Variants in CSMD1 observed in about 807,000 individuals in gnomAD.
CSMD1 encodes the protein CUB and sushi domain-containing protein 1.
In CSMD1, 213 loss-of-function variants were observed where a neutral mutation model predicts 417.5. The ratio of observed to expected loss-of-function variants is 0.51; its 90% confidence interval spans 0.46 to 0.57. The LOEUF (loss-of-function observed/expected upper bound fraction) is 0.57, where lower values mean the gene tolerates loss of function less well. Ranked by LOEUF, CSMD1 falls within the 20% of genes least tolerant of loss-of-function variation. The pLI, the probability that CSMD1 is intolerant of heterozygous loss-of-function variation, is 0.00. For synonymous variants in CSMD1, 2,862 were observed against 1,736.8 expected (o/e 1.65, Z -16.11); for missense variants, 6,923 against 4,529.7 (o/e 1.53, Z -15.17).
At chr8:3,818,348 TA>T (rs1801514991) in intron 5 of CSMD1, among the ~76,000 whole-genome samples, 1 of 152,154 alleles carries the variant, frequency 6.6e-6, no homozygotes, top group Non-Finnish European at 1.5e-5. Flanking sequence ...GTGAGAGAGC[TA>T]AACCCCTTCC....
chr8:4,129,126 G>T (rs78114683), intron 3 of CSMD1, among the ~76,000 whole-genome samples: 24 of 145,920 alleles, frequency 1.6e-4, no homozygotes, highest in Non-Finnish European at 3.2e-4. Flanking sequence ...TATTGTTGTT[G>T]TTGCTTTTGT....
At chr8:3,433,433 A>G (rs1814349793) in intron 12 of CSMD1, among the ~76,000 whole-genome samples, 1 of 152,118 alleles carries the variant, frequency 6.6e-6, no homozygotes, top group Admixed American at 6.5e-5. Context: ...TTGCTCCTAA[A>G]TTAAATATTT....
intron 2 of CSMD1, among the ~76,000 whole-genome samples, chr8:4,605,537 C>G (rs1373113660): frequency 6.6e-6 from 1 of 152,194 alleles, no homozygotes; most frequent in Non-Finnish European, 1.5e-5. Flanking sequence ...AGAAAAATTA[C>G]AATTACGCAA....
At chr8:3,636,474 G>C (rs1797053890) in intron 7 of CSMD1, among the ~76,000 whole-genome samples, 1 of 152,288 alleles carries the variant, frequency 6.6e-6, no homozygotes, top group Admixed American at 6.5e-5. Context: ...CACCTCTCCT[G>C]TCCCTGGAAG....
intron 5 of CSMD1, among the ~76,000 whole-genome samples, chr8:3,889,439 C>T (rs1295115071): frequency 1.9e-5 from 2 of 103,362 alleles, no homozygotes; most frequent in East Asian, 2.8e-4. Flanking sequence ...AGTTGATATG[C>T]TTCTGATCTT....
rs748293391 is a variant in CSMD1, at chr8:3,308,422, G to C, written c.3713C>G (p.Thr1238Ser). ...RIRDEGHFTD[T>S]VVLYSCNPGY... ...CGGGTTGCAACTGTACAGAACTACA[G>C]TGTCGGTAAAGTGGCCTTCATCACG... Residue 1238 changes from threonine to serine, a missense_variant, in exon 24 of 70, where the codon ACT becomes AGT. Transcript: ENST00000635120. The C allele has an allele frequency of 1.7e-5, 28 of 1,613,744 alleles. No individual in the cohort carries two copies. The highest frequency in any genetic ancestry group is 2.2e-5 in the East Asian group (1 of 44,852).
At chr8:3,074,600 G>A (rs1173603480) in intron 49 of CSMD1, among the ~76,000 whole-genome samples, 1 of 152,208 alleles carries the variant, frequency 6.6e-6, no homozygotes, top group Non-Finnish European at 1.5e-5. Flanking sequence ...TCACTTTCAA[G>A]AAATTGTATC....
chr8:4,832,655 T>C (rs1800222729), intron 1 of CSMD1, among the ~76,000 whole-genome samples: 1 of 152,198 alleles, frequency 6.6e-6, no homozygotes, highest in Non-Finnish European at 1.5e-5. Flanking sequence ...GCTTTAAATA[T>C]ATATTCTCAT....
In CSMD1 at chr8:4,434,168, T is replaced by A. The variant is rs1193847892; in HGVS notation, c.303-14103A>T. 2.0e-5 allele frequency among the ~76,000 whole-genome samples: 3 copies of A among 152,104 alleles called. No individual in the cohort carries two copies. The East Asian group carries it at 5.8e-4, about 29-fold the overall frequency. On this transcript the variant is annotated intron_variant, in intron 2 of 69. Coordinates refer to ENST00000635120, the MANE Select transcript of CSMD1 (RefSeq NM_033225.6). ...GCTTGGCCAACATGGTGAAAACCAG[T>A]CTCTACTAAAAATACAGAAATTATC... is the stretch of plus-strand genomic sequence containing the variant.
chr8:4,132,475 G>A (rs1341173906), intron 3 of CSMD1, among the ~76,000 whole-genome samples: 1 of 152,074 alleles, frequency 6.6e-6, no homozygotes, highest in Non-Finnish European at 1.5e-5. Context: ...TACTTTAACA[G>A]GAACATGGGT....
chr8:4,800,929 A>T (rs962338223), intron 1 of CSMD1, among the ~76,000 whole-genome samples: 1 of 152,228 alleles, frequency 6.6e-6, no homozygotes, highest in Non-Finnish European at 1.5e-5. Flanking sequence ...TATCGGAAAT[A>T]AATCTCCTGA....
intron 7 of CSMD1, among the ~76,000 whole-genome samples, chr8:3,650,592 A>C (rs1489654272): frequency 6.6e-6 from 1 of 152,158 alleles, no homozygotes; most frequent in Non-Finnish European, 1.5e-5. Flanking sequence ...TTCTGAGTAC[A>C]TATGATGCTT....
chr8:4,254,762 A>T (rs1803333800), intron 3 of CSMD1, among the ~76,000 whole-genome samples: 1 of 152,156 alleles, frequency 6.6e-6, no homozygotes, highest in Non-Finnish European at 1.5e-5. Context: ...CCATTGTGTT[A>T]CAGTTGCCTA....
chr8:4,832,574 C>G (rs776623301), intron 1 of CSMD1, among the ~76,000 whole-genome samples: 1 of 152,144 alleles, frequency 6.6e-6, no homozygotes, highest in South Asian at 2.1e-4. Context: ...GATTGGTTGT[C>G]TGCTTGTGGT....
At chr8:3,398,698 C>T (rs1480594289) in intron 16 of CSMD1, among the ~76,000 whole-genome samples, 1 of 152,130 alleles carries the variant, frequency 6.6e-6, no homozygotes, top group Non-Finnish European at 1.5e-5. Context: ...GCCTTTGGTT[C>T]ATGTTGCTCA....
intron 1 of CSMD1, among the ~76,000 whole-genome samples, chr8:4,880,941 C>T (rs1012961471): frequency 3.3e-5 from 5 of 152,028 alleles, no homozygotes; most frequent in Non-Finnish European, 7.4e-5. Context: ...TTAGCAAACA[C>T]CCAGAATGGG....
At chr8:3,558,976 A>T (rs2116848086) in intron 10 of CSMD1, among the ~76,000 whole-genome samples, 1 of 152,324 alleles carries the variant, frequency 6.6e-6, no homozygotes, top group Admixed American at 6.5e-5. Flanking sequence ...TGGAATGAAA[A>T]GATAAATGAC....
At chr8:3,681,846 T>C (rs527572167) in intron 7 of CSMD1, among the ~76,000 whole-genome samples, 5 of 152,052 alleles carry the variant, frequency 3.3e-5, no homozygotes, top group Admixed American at 6.5e-5. Context: ...AACAGAGATA[T>C]AGACCAATGG....
rs757396051 is a variant in CSMD1, at chr8:2,978,651, C to A, written c.8527G>T (p.Ala2843Ser). Residue 2843 changes from alanine to serine, a missense_variant, in exon 55 of 70, where the codon GCA (alanine) becomes TCA (serine). Transcript: ENST00000635120. ...LLGSSALTCM[A>S]NGLWDRSLPK... ...AGGGATCGGTCCCATAAGCCATTTGCCATACAGGTCAAGGCTGAAGATCCC... is the reference window on the plus strand; with the variant it reads ...AGGGATCGGTCCCATAAGCCATTTGACATACAGGTCAAGGCTGAAGATCCC... 7 of 1,605,460 alleles carry A rather than the reference C, an allele frequency of 4.4e-6. No homozygotes were observed. The highest frequency in any genetic ancestry group is 6.0e-6 in the Non-Finnish European group (7 of 1,175,858).
Sources: gnomAD v4.1 joint callset for allele counts (sites outside exome capture counted in the v4.1 genomes callset) on GRCh38, gnomAD v4.1.1 for gene constraint, MANE v1.5 for transcripts, NCBI Gene and HGNC (gene_info 2026-07-23, HGNC 2026-07-21) for gene names.